Variants in THRB observed in about 807,000 individuals in gnomAD.
The protein encoded by THRB is nuclear receptor subfamily 1 group A member 2.
THRB carries 12 observed loss-of-function variants against 47.8 expected under a neutral mutation model. The ratio of observed to expected loss-of-function variants is 0.25; its 90% CI spans 0.16 to 0.41. THRB has a LOEUF of 0.41. Among genes scored for constraint, THRB ranks in the 10% least tolerant of loss-of-function variants. The pLI is 1.00. For missense variants in THRB, 348 were observed against 589.2 expected (o/e 0.59, Z 4.24); for synonymous variants, 218 against 212.2 (o/e 1.03, Z -0.24).
chr3:24,413,319 G>A (rs2068467377), intron 1 of THRB, among the ~76,000 whole-genome samples: 1 of 151,788 alleles, frequency 6.6e-6, no homozygotes, highest in Non-Finnish European at 1.5e-5. Flanking sequence ...CTCAGGATAG[G>A]TGTAGTGGGC....
At chr3:24,145,128 C>T (rs2035925693) in intron 7 of THRB, among the ~76,000 whole-genome samples, 1 of 151,452 alleles carries the variant, frequency 6.6e-6, no homozygotes, top group African/African-American at 2.4e-5. Context: ...TAATAATACC[C>T]TCAACCCCTT....
rs1427508931 is a variant in THRB at position 24,450,996 on chromosome 3, A to G, written c.-261+43656T>C. On this transcript the variant is annotated intron_variant, in intron 1 of 10. Transcript: ENST00000646209. ...TTCAAATTGAAATAAAAATATGTAA[A>G]TAATATAACTTTTAAAAATTTGGTT... Among the ~76,000 whole-genome samples the G allele has an allele frequency of 5.3e-5, 8 of 152,320 alleles. No homozygotes were observed. In the East Asian group the frequency reaches 1.5e-3, roughly 29 times the overall value.
At chr3:24,461,958 A>T (rs980670616) in intron 1 of THRB, among the ~76,000 whole-genome samples, 1 of 152,212 alleles carries the variant, frequency 6.6e-6, no homozygotes. Context: ...AATAATGTTC[A>T]TGATACATTT....
At chr3:24,322,194 T>C (rs2058530457) in intron 2 of THRB, among the ~76,000 whole-genome samples, 1 of 152,174 alleles carries the variant, frequency 6.6e-6, no homozygotes, top group African/African-American at 2.4e-5. Context: ...AAAATATTGA[T>C]TTGGAGAGAA....
chr3:24,284,735 G>GA (rs2055057970), intron 3 of THRB, among the ~76,000 whole-genome samples: 1 of 149,182 alleles, frequency 6.7e-6, no homozygotes, highest in South Asian at 2.1e-4. Context: ...AGATTTACAA[G>GA]AAAAAAACAA....
At chr3:24,420,349 C>G (rs2069124484) in intron 1 of THRB, among the ~76,000 whole-genome samples, 1 of 151,878 alleles carries the variant, frequency 6.6e-6, no homozygotes, top group Non-Finnish European at 1.5e-5. Flanking sequence ...TAGTCCAGCC[C>G]TGGCGGTGGG....
intron 1 of THRB, among the ~76,000 whole-genome samples, chr3:24,398,224 AC>A (rs1435500727): frequency 3.3e-5 from 5 of 151,660 alleles, no homozygotes; most frequent in African/African-American, 1.2e-4. Context: ...ATTGAAAATG[AC>A]CCCAAAAGAT....
At chr3:24,293,567 C>T (rs529849166) in intron 3 of THRB, among the ~76,000 whole-genome samples, 2 of 152,300 alleles carry the variant, frequency 1.3e-5, no homozygotes, top group South Asian at 4.1e-4. Flanking sequence ...GTTTATCTGT[C>T]CCATGAACAT....
intron 1 of THRB, among the ~76,000 whole-genome samples, chr3:24,343,912 T>G (rs1178291298): frequency 1.4e-5 from 2 of 144,602 alleles, no homozygotes; most frequent in African/African-American, 2.6e-5. Context: ...TATATATTTA[T>G]TTATATATTA....
chr3:24,463,590 G>A (rs1024561152), intron 1 of THRB, among the ~76,000 whole-genome samples: 33 of 152,174 alleles, frequency 2.2e-4, no homozygotes, highest in African/African-American at 7.2e-4. Flanking sequence ...AAGACTCCCC[G>A]ATACTATATT....
At chr3:24,137,474 C>G (rs117378123) in intron 8 of THRB, among the ~76,000 whole-genome samples, 2 of 152,230 alleles carry the variant, frequency 1.3e-5, no homozygotes, top group East Asian at 3.9e-4. Context: ...GGAAGGTCAG[C>G]CAAGGCCCCT....
chr3:24,345,725 T>C (rs1297631582), intron 1 of THRB, among the ~76,000 whole-genome samples: 1 of 152,076 alleles, frequency 6.6e-6, no homozygotes, highest in East Asian at 1.9e-4. Context: ...CTGAACTCAA[T>C]ACAAAAACCC....
intron 3 of THRB, among the ~76,000 whole-genome samples, chr3:24,269,599 A>T (rs1385665944): frequency 7.4e-6 from 1 of 134,286 alleles, no homozygotes; most frequent in African/African-American, 2.7e-5. Context: ...ATAATTTTTA[A>T]TTTTTTTTTT....
chr3:24,470,188 G>T (rs184208181), intron 1 of THRB, among the ~76,000 whole-genome samples: 10 of 152,216 alleles, frequency 6.6e-5, no homozygotes, highest in Admixed American at 5.9e-4. Flanking sequence ...AACACCAGAC[G>T]CTAGATAGGC....
intron 1 of THRB, among the ~76,000 whole-genome samples, chr3:24,477,573 C>T (rs1425202295): frequency 1.3e-5 from 2 of 151,972 alleles, no homozygotes; most frequent in Admixed American, 6.6e-5. Context: ...TCTTGAGAAA[C>T]GAGGATATGG....
At chr3:24,179,796 G>T (rs1179627825) in intron 5 of THRB, among the ~76,000 whole-genome samples, 1 of 152,082 alleles carries the variant, frequency 6.6e-6, no homozygotes, top group East Asian at 1.9e-4. Flanking sequence ...TTTTAGTAGT[G>T]ATCACCAGGC....
chr3:24,173,143 G>T (rs962589544), intron 5 of THRB, among the ~76,000 whole-genome samples: 16 of 152,094 alleles, frequency 1.1e-4, no homozygotes, highest in Admixed American at 8.5e-4. Flanking sequence ...GTAAACTCTG[G>T]GGGGTGGGGA....
chr3:24,328,949 T>C (rs79119411), intron 2 of THRB, among the ~76,000 whole-genome samples: 1 of 149,944 alleles, frequency 6.7e-6, no homozygotes, highest in African/African-American at 2.4e-5. Context: ...ATGTTTCTTC[T>C]TTTTTTTTTC....
In THRB at chr3:24,122,984, C is replaced by T. The variant is rs1553609210; in HGVS notation, c.1286G>A (p.Arg429Gln). The change falls in exon 11 of 11, where the codon CGG becomes CAG. Residue 429 changes from arginine to glutamine, a missense_variant. By Grantham distance (43) the Arg-to-Gln change is conservative. This residue lies in a region of THRB where 7 missense variants were observed against 46.8 expected (regional missense o/e 0.15). Transcript: ENST00000646209. The part of the protein sequence containing the change: ...PKLLMKVTDL[R>Q]MIGACHASRF... ...GCTGGCATGGCAGGCTCCTATCATC[C>T]GCAGATCTGTCACCTTCATCAGGAG... is the stretch of plus-strand genomic sequence containing the variant. The T allele has an allele frequency of 6.2e-7, 1 of 1,614,016 alleles. No homozygotes were observed. Among genetic ancestry groups the T allele is most frequent in the Non-Finnish European group, 8.5e-7 (1 of 1,180,028 alleles).
Sources: allele counts gnomAD v4.1 joint callset (sites outside exome capture counted in the v4.1 genomes callset), GRCh38; gene constraint gnomAD v4.1.1; regional missense constraint gnomAD v4.1.1; transcripts MANE v1.5; gene names NCBI Gene and HGNC (gene_info 2026-07-23, HGNC 2026-07-21).